Variants in ENOSF1 observed in about 807,000 individuals in gnomAD.
ENOSF1 encodes enolase superfamily member 1, also known as mitochondrial enolase superfamily member 1.
Under a neutral mutation model 68.2 loss-of-function variants are expected in ENOSF1, and 73 were observed. The observed-to-expected ratio is 1.07, with a 90% CI of 0.89 to 1.30. The LOEUF is 1.30. ENOSF1 is among the 50% of genes most tolerant of loss of function. ENOSF1 has a pLI of 0.00. For synonymous variants in ENOSF1, 223 were observed against 210.4 expected (o/e 1.06, Z -0.52); for missense variants, 589 against 554.5 (o/e 1.06, Z -0.62).
downstream of ENOSF1, among the ~76,000 whole-genome samples, chr18:666,927 T>C (rs112644733): frequency 0.014 from 777 of 54,670 alleles, 144 homozygotes; most frequent in African/African-American, 0.063. Flanking sequence ...ATGGAGATGG[T>C]GATGGTGATG....
At chr18:698,809 A>G (rs1230181612) in intron 2 of ENOSF1, among the ~76,000 whole-genome samples, 2 of 151,864 alleles carry the variant, frequency 1.3e-5, no homozygotes, top group Non-Finnish European at 2.9e-5. Flanking sequence ...TTTGGTAGAG[A>G]CAGGGTTTCA....
chr18:671,494 T>G lies in ENOSF1; in HGVS notation c.*2811A>C, dbSNP rs779554920. The G allele has an allele frequency of 1.6e-6, 2 of 1,264,840 alleles. No homozygotes were observed. The highest frequency in any genetic ancestry group is 2.4e-5 in the South Asian group (2 of 83,240). The allele number at this position is 1,264,840 out of a possible 1,614,324, so 78.4% of individuals were successfully genotyped here. The stretch of plus-strand genomic sequence containing the variant: ...TACTTTTGGGTTTGGTACCTTCTCT[T>G]GATAAAAGGTTGACTGTGGAACAGG... On this transcript the variant is annotated 3_prime_UTR_variant, in exon 16 of 16. Coordinates refer to ENST00000647584, the MANE Select transcript of ENOSF1 (RefSeq NM_017512.7).
chr18:669,292 GTTGA>G (rs34795969), downstream of ENOSF1: 253,074 of 716,222 alleles, frequency 0.35, 49,696 homozygotes, highest in East Asian at 0.66. Flanking sequence ...CAGCCACATG[GTTGA>G]TTGTGTGACG....
chr18:688,473 C>A, intron 9 of ENOSF1, 101 bp downstream of exon 9: 1 of 1,508,928 alleles, frequency 6.6e-7, no homozygotes, highest in South Asian at 1.1e-5. Context: ...GGATCCTAGC[C>A]CGTGGGTGCC....
chr18:712,527 C>G lies in ENOSF1; in HGVS notation c.61G>C (p.Gly21Arg), dbSNP rs1276900315. Reference sequence around the variant, plus strand: ...ACCATGGCGTCCGCGCCGTGGCCCCCAAGCGACGTGGGGAAGCGCACGTCC... The same window carrying G: ...ACCATGGCGTCCGCGCCGTGGCCCCGAAGCGACGTGGGGAAGCGCACGTCC... ...VRDVRFPTSL[G>R]GHGADAMHTD... is the part of the protein sequence containing the mutation. The change falls in exon 1 of 16, where the codon GGG (glycine) becomes CGG (arginine). Residue 21 changes from glycine (G) to arginine (R), a missense_variant. Gly to Arg is a moderately radical substitution (Grantham distance 125). Transcript: ENST00000647584. The G allele has an allele frequency of 8.4e-6, 13 of 1,539,930 alleles. No homozygotes were observed. Among genetic ancestry groups the G allele is most frequent in the Non-Finnish European group, 9.6e-6 (11 of 1,146,518 alleles).
At chr18:693,985 A>G (rs1462907438) in intron 4 of ENOSF1, 77 bp from the exon 5 acceptor site, 4 of 1,464,766 alleles carry the variant, frequency 2.7e-6, no homozygotes. Context: ...ACGCGTTGGC[A>G]GCTCTAATGC....
intron 12 of ENOSF1, 24 bp from the exon 13 acceptor site, chr18:677,896 A>T (rs2075676958): frequency 1.1e-5 from 17 of 1,608,134 alleles, no homozygotes; most frequent in Non-Finnish European, 1.4e-5. Flanking sequence ...TGAAAATAAC[A>T]CCAACAGAAG....
At chr18:680,684 T>G (rs1200190922) in intron 11 of ENOSF1, among the ~76,000 whole-genome samples, 1 of 145,324 alleles carries the variant, frequency 6.9e-6, no homozygotes, top group African/African-American at 2.6e-5. Context: ...GTGTTTTTTT[T>G]TTTTTTTTTT....
intron 5 of ENOSF1, chr18:692,943 A>T: frequency 6.8e-6 from 8 of 1,171,090 alleles, no homozygotes; most frequent in Non-Finnish European, 8.6e-6. Context: ...TTTTTCCTTA[A>T]TTTTTTGCCA....
chr18:678,508 T>G (rs775299766), intron 12 of ENOSF1, 188 bp downstream of exon 12: 9 of 573,450 alleles, frequency 1.6e-5, no homozygotes, highest in Non-Finnish European at 2.8e-5. Context: ...ATTGGAGAAA[T>G]AGCCACAAAC....
At chr18:694,749 C>T (rs951124283) in intron 3 of ENOSF1, among the ~76,000 whole-genome samples, 1 of 151,996 alleles carries the variant, frequency 6.6e-6, no homozygotes, top group Non-Finnish European at 1.5e-5. Flanking sequence ...AAAACAGTTG[C>T]TAACCTATTG....
At chr18:683,160 T>A (rs2076253878) in intron 11 of ENOSF1, 86 bp downstream of exon 11, 5 of 1,513,686 alleles carry the variant, frequency 3.3e-6, no homozygotes, top group Non-Finnish European at 9.0e-7. Flanking sequence ...AGGGAACAAG[T>A]GAAGAAATTT....
At chr18:710,459 G>A (rs553719432) in intron 1 of ENOSF1, among the ~76,000 whole-genome samples, 1 of 152,288 alleles carries the variant, frequency 6.6e-6, no homozygotes, top group African/African-American at 2.4e-5. Flanking sequence ...GTCTAGATTA[G>A]GGATTCCTTC....
At chr18:696,745 G>A (rs547241194) in intron 3 of ENOSF1, among the ~76,000 whole-genome samples, 1 of 151,972 alleles carries the variant, frequency 6.6e-6, no homozygotes, top group Non-Finnish European at 1.5e-5. Context: ...GAAATGAGTT[G>A]TTTACCTCAA....
rs1467459322 is a variant in ENOSF1, at chr18:694,260, C to T, written c.384G>A (p.Lys128=). 1 of 1,614,178 alleles carries T rather than the reference C, an allele frequency of 6.2e-7. No homozygotes were observed. The highest frequency in any genetic ancestry group is 8.5e-7 in the Non-Finnish European group (1 of 1,180,028). Residue 128 remains lysine (K), a synonymous_variant, in exon 4 of 16, where the codon AAG becomes AAA. Transcript: ENST00000647584. ...VLNAVWDLWA[K]QEGKPVWKLL... is the part of the protein sequence containing the mutation. ...TGAGAGGGGTTACCTTTCCCTCCTG[C>T]TTGGCCCACAAGTCCCACACCGCGT...
Position 671,197 on chromosome 18 carries a change from C to T in ENOSF1, c.*3108G>A, listed in dbSNP as rs1161471885. 1 of 621,832 alleles carries T rather than the reference C, an allele frequency of 1.6e-6. No individual in the cohort carries two copies. The highest frequency in any genetic ancestry group is 2.8e-5 in the Admixed American group (1 of 35,248). 38.5% of individuals were successfully genotyped at this position (621,832 alleles called of 1,614,324 possible). A position where few individuals can be genotyped will look rare whatever the true frequency, so the allele number is the denominator to read the frequency against. On this transcript the variant is annotated 3_prime_UTR_variant, in exon 16 of 16. Coordinates refer to ENST00000647584, the MANE Select transcript of ENOSF1 (RefSeq NM_017512.7). The stretch of plus-strand genomic sequence containing the variant: ...TGAGACAGGAGCAATTGCTTGAGGT[C>T]TGGAGTTCAATACCAGCCTGGGCAA...
At chr18:692,788 C>T (rs925751916) in intron 5 of ENOSF1, 1 of 1,010,272 alleles carries the variant, frequency 9.9e-7, no homozygotes, top group African/African-American at 1.7e-5. Flanking sequence ...TAGAAGGGGG[C>T]TCAAGAGCTC....
rs984189828 is a variant in ENOSF1, at chr18:672,738, A to C, written c.*1567T>G. 1.7e-6 allele frequency: 2 copies of C among 1,159,148 alleles called. No individual in the cohort carries two copies. Among genetic ancestry groups the C allele is most frequent in the Non-Finnish European group, 2.4e-6 (2 of 829,846 alleles). The allele number at this position is 1,159,148 out of a possible 1,614,324, so 71.8% of individuals were successfully genotyped here. The stretch of plus-strand genomic sequence containing the variant: ...TAACCTACGGCAAGGTATCGACAGG[A>C]TCATACTCCTGTAAAATAGAACTTT... On this transcript the variant is annotated 3_prime_UTR_variant, in exon 16 of 16. Coordinates refer to ENST00000647584, the MANE Select transcript of ENOSF1 (RefSeq NM_017512.7).
Position 683,362 on chromosome 18 carries a change from G to A in ENOSF1, c.760C>T (p.Arg254Cys), listed in dbSNP as rs142662421. 453 of 1,613,994 alleles carry A rather than the reference G, an allele frequency of 2.8e-4. 1 individual carries two copies. The highest frequency in any genetic ancestry group is 3.7e-4 in the Non-Finnish European group (437 of 1,180,016). Residue 254 changes from arginine (R) to cysteine (C), a missense_variant, in exon 11 of 16, where the codon CGC becomes TGC. Coordinates refer to ENST00000647584, the MANE Select transcript of ENOSF1 (RefSeq NM_017512.7). The stretch of plus-strand genomic sequence containing the variant: ...TCCACCGCCTCAGGCACATCCCAGC[G>A]CTGGTTGGCATCCATCATCTGCAAA... ...EKTLMMDANQ[R>C]WDVPEAVEWM...
Sources: allele counts gnomAD v4.1 joint callset (sites outside exome capture counted in the v4.1 genomes callset), GRCh38; gene constraint gnomAD v4.1.1; transcripts MANE v1.5; gene names NCBI Gene and HGNC (gene_info 2026-07-23, HGNC 2026-07-21).